Variants in KCNQ5 observed in about 807,000 individuals in gnomAD.
KCNQ5 encodes the protein potassium voltage-gated channel subfamily KQT member 5.
KCNQ5 carries 30 observed loss-of-function variants against 98.2 expected under a neutral mutation model. The ratio of observed to expected loss-of-function variants is 0.31; its 90% CI spans 0.23 to 0.41. KCNQ5 has a LOEUF of 0.41. KCNQ5 is among the 10% of genes least tolerant of loss of function. The pLI, the probability that KCNQ5 is intolerant of heterozygous loss-of-function variation, is 1.00. For missense variants in KCNQ5, 835 were observed against 1,182.5 expected, an observed-to-expected ratio of 0.71 and a Z score of 4.31; for synonymous variants, 458 against 449.4, an observed-to-expected ratio of 1.02 and a Z score of -0.24.
intron 5 of KCNQ5, among the ~76,000 whole-genome samples, chr6:73,104,526 G>A (rs1194210014): frequency 6.6e-6 from 1 of 152,114 alleles, no homozygotes; most frequent in Admixed American, 6.5e-5. Context: ...TACTCTATGT[G>A]TTCTCACTGT....
chr6:72,771,544 G>C (rs1772881298), intron 1 of KCNQ5, among the ~76,000 whole-genome samples: 2 of 151,960 alleles, frequency 1.3e-5, no homozygotes, highest in Admixed American at 1.3e-4. Context: ...GCTGATTAGT[G>C]ATGTAGAGCA....
At chr6:72,809,053 A>C (rs1428321488) in intron 1 of KCNQ5, among the ~76,000 whole-genome samples, 1 of 151,792 alleles carries the variant, frequency 6.6e-6, no homozygotes, top group African/African-American at 2.4e-5. Flanking sequence ...ATGGAATACT[A>C]TGCAGCCATA....
At chr6:72,629,548 A>T (rs576058141) in intron 1 of KCNQ5, among the ~76,000 whole-genome samples, 2 of 152,344 alleles carry the variant, frequency 1.3e-5, no homozygotes, top group Admixed American at 1.3e-4. Flanking sequence ...GAAACGAAGG[A>T]CTGATACAAA....
chr6:73,157,505 C>A, intron 10 of KCNQ5: 1 of 711,518 alleles, frequency 1.4e-6, no homozygotes, highest in Non-Finnish European at 2.6e-6. Context: ...CCCCGGTGAC[C>A]AGACTGAAGA....
intron 10 of KCNQ5, among the ~76,000 whole-genome samples, chr6:73,150,009 A>G (rs114479312): frequency 0.034 from 3,675 of 107,182 alleles, 150 homozygotes; most frequent in African/African-American, 0.29. Context: ...CCACAGGGGA[A>G]AAAAAAAAAA....
rs112875893 is a variant in KCNQ5, at chr6:72,831,593, G to A, written c.399-172315G>A. On this transcript the variant is annotated intron_variant, in intron 1 of 13. Coordinates refer to ENST00000370398, the MANE Select transcript of KCNQ5 (RefSeq NM_019842.4). ...GGGGCCTGTCGTGGGATGCAGGGAGGGGGGAGGGAAAGCAGTAGGAGATAT... is the reference window on the plus strand; with the variant it reads ...GGGGCCTGTCGTGGGATGCAGGGAGAGGGGAGGGAAAGCAGTAGGAGATAT... Among the ~76,000 whole-genome samples the A allele has an allele frequency of 2.2e-4, 33 of 147,652 alleles. No homozygotes were observed. In the East Asian group the frequency reaches 5.1e-3, roughly 23 times the overall value.
intron 1 of KCNQ5, among the ~76,000 whole-genome samples, chr6:72,657,169 C>G (rs921668670): frequency 6.6e-6 from 1 of 152,044 alleles, no homozygotes; most frequent in African/African-American, 2.4e-5. Flanking sequence ...ATGATTGCAC[C>G]ACTGCACTCC....
chr6:73,172,890 G>A (rs541823621), intron 11 of KCNQ5, among the ~76,000 whole-genome samples: 1 of 152,122 alleles, frequency 6.6e-6, no homozygotes, highest in Admixed American at 6.5e-5. Context: ...CTACTGCAAG[G>A]ATGACAGTAT....
At chr6:72,845,805 C>A (rs571562150) in intron 1 of KCNQ5, among the ~76,000 whole-genome samples, 15 of 152,152 alleles carry the variant, frequency 9.9e-5, no homozygotes, top group African/African-American at 3.6e-4. Flanking sequence ...TCAGTTTAAT[C>A]CCAAATTAGA....
rs774330851 is a variant in KCNQ5, at chr6:73,029,037, G to T, written c.490-12899G>T. Among the ~76,000 whole-genome samples, 9 of 152,210 alleles carry T rather than the reference G, an allele frequency of 5.9e-5. 1 individual carries two copies. The highest frequency in any genetic ancestry group is 4.8e-5 in the African/African-American group (2 of 41,456). On this transcript the variant is annotated intron_variant, in intron 2 of 13. Transcript: ENST00000370398. The stretch of plus-strand genomic sequence containing the variant: ...TAGAGGCCGTCACCCATCAGAGGTT[G>T]TTTGGTAAGTGTGTGTGCATAATGG...
chr6:72,864,585 T>C (rs1439342007), intron 1 of KCNQ5, among the ~76,000 whole-genome samples: 1 of 152,222 alleles, frequency 6.6e-6, no homozygotes. Flanking sequence ...TAGCCAAAGC[T>C]TGAGTGAATT....
At chr6:72,708,313 A>T (rs1238846665) in intron 1 of KCNQ5, among the ~76,000 whole-genome samples, 1 of 152,208 alleles carries the variant, frequency 6.6e-6, no homozygotes, top group Non-Finnish European at 1.5e-5. Flanking sequence ...TGAAATGAAA[A>T]CAGGGTGGAG....
chr6:73,138,664 G>A lies in KCNQ5; in HGVS notation c.1468+5023G>A, dbSNP rs544226410. On this transcript the variant is annotated intron_variant, in intron 10 of 13. Coordinates refer to ENST00000370398, the MANE Select transcript of KCNQ5 (RefSeq NM_019842.4). ...TACCATTCCTGCTGAGCAATCCTCA[G>A]TGCTCATGTTAGCTGCCATGGAAGG... Among the ~76,000 whole-genome samples, 5 of 152,306 alleles carry A rather than the reference G, an allele frequency of 3.3e-5. No homozygotes were observed. In the South Asian group the frequency reaches 1.0e-3, roughly 32 times the overall value.
At chr6:73,042,271 A>G (rs565025946) in intron 3 of KCNQ5, 2 of 587,266 alleles carry the variant, frequency 3.4e-6, no homozygotes, top group East Asian at 3.0e-5. Flanking sequence ...CCCATTTTAC[A>G]GTTGAAGAAT....
chr6:72,822,937 C>T (rs925620210), intron 1 of KCNQ5, among the ~76,000 whole-genome samples: 31 of 152,140 alleles, frequency 2.0e-4, no homozygotes, highest in Non-Finnish European at 2.4e-4. Flanking sequence ...TAGATCCCTG[C>T]TTCCATTGTC....
intron 1 of KCNQ5, among the ~76,000 whole-genome samples, chr6:72,903,661 A>G (rs747510176): frequency 4.6e-5 from 7 of 152,124 alleles, no homozygotes; most frequent in Non-Finnish European, 8.8e-5. Flanking sequence ...TTTGGAGTTG[A>G]CTTCCAGTTT....
intron 1 of KCNQ5, among the ~76,000 whole-genome samples, chr6:72,808,364 G>A (rs1775058041): frequency 6.6e-6 from 1 of 152,116 alleles, no homozygotes; most frequent in Admixed American, 6.6e-5. Flanking sequence ...TTTTTGTATG[G>A]TCTGGAATAT....
chr6:72,719,534 G>A (rs1038691568), intron 1 of KCNQ5, among the ~76,000 whole-genome samples: 2 of 152,148 alleles, frequency 1.3e-5, no homozygotes, highest in African/African-American at 4.8e-5. Flanking sequence ...ATACTAAATG[G>A]CCAAGCCAAG....
chr6:73,048,447 C>T (rs568612253), intron 3 of KCNQ5, among the ~76,000 whole-genome samples: 5 of 152,072 alleles, frequency 3.3e-5, no homozygotes, highest in Non-Finnish European at 7.4e-5. Context: ...GAGGTCACAC[C>T]CTGAAGGCCA....
Sources: allele counts gnomAD v4.1 joint callset (sites outside exome capture counted in the v4.1 genomes callset), GRCh38; gene constraint gnomAD v4.1.1; transcripts MANE v1.5; gene names NCBI Gene and HGNC (gene_info 2026-07-23, HGNC 2026-07-21).